NCKAP5: variants seen among roughly 807,000 people sequenced by gnomAD.
NCKAP5 encodes NCK associated protein 5.
In NCKAP5, 92 loss-of-function variants were observed where a neutral mutation model predicts 167.0. That is an observed-to-expected ratio of 0.55 (90% CI 0.47 to 0.66). The LOEUF (loss-of-function observed/expected upper bound fraction) is 0.66, where lower values mean the gene tolerates loss of function less well. Ranked by LOEUF, NCKAP5 falls within the 30% of genes least tolerant of loss-of-function variation. NCKAP5 has a pLI of 0.00. For missense variants in NCKAP5, 2,378 were observed against 2,315.0 expected (o/e 1.03, Z -0.56); for synonymous variants, 891 against 877.4 (o/e 1.02, Z -0.27).
At chr2:132,739,252 A>T (rs1416704001) in intron 16 of NCKAP5, among the ~76,000 whole-genome samples, 3 of 152,172 alleles carry the variant, frequency 2.0e-5, no homozygotes, top group African/African-American at 7.2e-5. Flanking sequence ...CCAATTTCAC[A>T]TATCTGTAAT....
At chr2:132,991,213 C>G (rs1449014286) in intron 7 of NCKAP5, among the ~76,000 whole-genome samples, 1 of 152,188 alleles carries the variant, frequency 6.6e-6, no homozygotes, top group Non-Finnish European at 1.5e-5. Flanking sequence ...AGTGCCAGCA[C>G]CTCCTGCACA....
chr2:132,836,272 C>G (rs552339785), intron 11 of NCKAP5, among the ~76,000 whole-genome samples: 1 of 152,268 alleles, frequency 6.6e-6, no homozygotes, highest in East Asian at 1.9e-4. Flanking sequence ...CCTTTCCTAA[C>G]TTTAACACAG....
chr2:133,081,616 T>G (rs893682052), intron 6 of NCKAP5, among the ~76,000 whole-genome samples: 1 of 152,204 alleles, frequency 6.6e-6, no homozygotes, highest in East Asian at 1.9e-4. Context: ...AGTATGGCAA[T>G]TATTATTCAA....
chr2:133,336,676 A>G (rs564150840), intron 3 of NCKAP5, among the ~76,000 whole-genome samples: 1 of 152,350 alleles, frequency 6.6e-6, no homozygotes, highest in South Asian at 2.1e-4. Context: ...ACAAGATGGT[A>G]GTCTCAATTC....
At chr2:133,030,747 G>T (rs746682640) in intron 6 of NCKAP5, among the ~76,000 whole-genome samples, 1 of 152,192 alleles carries the variant, frequency 6.6e-6, no homozygotes, top group African/African-American at 2.4e-5. Context: ...GAATACCATA[G>T]ACTGGGTGGC....
At chr2:133,533,314 T>C (rs1685507620) in intron 2 of NCKAP5, among the ~76,000 whole-genome samples, 1 of 152,156 alleles carries the variant, frequency 6.6e-6, no homozygotes, top group African/African-American at 2.4e-5. Flanking sequence ...TTTTCGAGAG[T>C]CAGAAATCCA....
At chr2:133,188,653 T>A (rs1014807766) in intron 5 of NCKAP5, among the ~76,000 whole-genome samples, 1 of 152,028 alleles carries the variant, frequency 6.6e-6, no homozygotes, top group Non-Finnish European at 1.5e-5. Context: ...CTCAACTACA[T>A]GGAAACTGAA....
intron 4 of NCKAP5, among the ~76,000 whole-genome samples, chr2:133,278,222 A>G (rs2089807074): frequency 6.6e-6 from 1 of 152,190 alleles, no homozygotes; most frequent in African/African-American, 2.4e-5. Flanking sequence ...ACCTAAAACA[A>G]TACAAAGTTA....
chr2:133,611,106 GC>G, the NCKAP5 span, among the ~76,000 whole-genome samples: 1 of 126,158 alleles, frequency 7.9e-6, no homozygotes, highest in African/African-American at 2.8e-5. Flanking sequence ...TGAAATGCTA[GC>G]CCCCCATGTT....
intron 8 of NCKAP5, among the ~76,000 whole-genome samples, chr2:132,879,513 G>A (rs1691584917): frequency 6.6e-6 from 1 of 152,206 alleles, no homozygotes; most frequent in African/African-American, 2.4e-5. Context: ...GGTTGAATAT[G>A]GTTACTAGGT....
At chr2:133,246,302 T>C (rs568568650) in intron 4 of NCKAP5, among the ~76,000 whole-genome samples, 4 of 151,762 alleles carry the variant, frequency 2.6e-5, no homozygotes, top group Non-Finnish European at 5.9e-5. Context: ...AGCAATGACA[T>C]GAAAAAAAGC....
At chr2:133,423,560 C>T (rs1443874896) in intron 3 of NCKAP5, among the ~76,000 whole-genome samples, 2 of 152,102 alleles carry the variant, frequency 1.3e-5, no homozygotes, top group East Asian at 3.9e-4. Context: ...TACTAATTGC[C>T]AAATGCCCAG....
intron 16 of NCKAP5, among the ~76,000 whole-genome samples, chr2:132,758,091 C>T (rs73957655): frequency 0.01 from 1,537 of 152,300 alleles, 25 homozygotes; most frequent in African/African-American, 0.035. Flanking sequence ...TGCTTTTAGG[C>T]TGGCATGGGA....
chr2:133,090,826 T>C (rs1242290116), intron 6 of NCKAP5, among the ~76,000 whole-genome samples: 1 of 152,186 alleles, frequency 6.6e-6, no homozygotes, highest in African/African-American at 2.4e-5. Flanking sequence ...CTCTGTTCTA[T>C]TTCAAACGCT....
chr2:133,650,800 C>T, the NCKAP5 span, among the ~76,000 whole-genome samples: 1 of 152,038 alleles, frequency 6.6e-6, no homozygotes, highest in Non-Finnish European at 1.5e-5. Context: ...GAGAATCACT[C>T]GAACCCAGGA....
the NCKAP5 span, among the ~76,000 whole-genome samples, chr2:133,588,451 A>C: frequency 1.9e-4 from 19 of 101,576 alleles, no homozygotes; most frequent in East Asian, 2.8e-4. Context: ...TCCCTAATTC[A>C]TTCCTTCCTT....
intron 3 of NCKAP5, among the ~76,000 whole-genome samples, chr2:133,470,795 T>C (rs1379058966): frequency 1.3e-5 from 2 of 152,228 alleles, no homozygotes; most frequent in Non-Finnish European, 2.9e-5. Context: ...CCGTCACCCC[T>C]TTCTTTGACT....
intron 2 of NCKAP5, among the ~76,000 whole-genome samples, chr2:133,529,906 G>A (rs1225134562): frequency 2.0e-5 from 3 of 151,962 alleles, no homozygotes; most frequent in Non-Finnish European, 4.4e-5. Context: ...AATACATTTT[G>A]AATATTAACT....
At chr2:133,272,238 A>T (rs573634824) in intron 4 of NCKAP5, among the ~76,000 whole-genome samples, 45 of 152,182 alleles carry the variant, frequency 3.0e-4, no homozygotes, top group African/African-American at 1.1e-3. Flanking sequence ...CAGAACAAAA[A>T]AAAATAGAAT....
Sources: allele counts gnomAD v4.1 joint callset (sites outside exome capture counted in the v4.1 genomes callset), GRCh38; gene constraint gnomAD v4.1.1; transcripts MANE v1.5; gene names NCBI Gene and HGNC (gene_info 2026-07-23, HGNC 2026-07-21).